Variants in PCNT observed in about 807,000 individuals in gnomAD.
PCNT encodes the protein pericentrin.
Under a neutral mutation model 380.4 loss-of-function variants are expected in PCNT, and 319 were observed. The ratio of observed to expected loss-of-function variants is 0.84; its 90% CI spans 0.77 to 0.92. The LOEUF is 0.92. Among genes scored for constraint, PCNT ranks in the 40% least tolerant of loss-of-function variants. The probability of loss-of-function intolerance (pLI) is 0.00; values close to 1 mark genes in which losing one functional copy is unlikely to be tolerated. For missense variants in PCNT, 4,400 were observed against 4,255.3 expected, an observed-to-expected ratio of 1.03 and a Z score of -0.95; for synonymous variants, 1,845 against 1,735.2, an observed-to-expected ratio of 1.06 and a Z score of -1.57.
rs200998009 is a variant in PCNT at position 46,363,666 on chromosome 21, G to C, written c.2341G>C (p.Glu781Gln). ...LLELREKAES[E>Q]KQTIINKFEL... ...TGAACTGAGAGAAAAGGCTGAATCC[G>C]AGAAACAGACCATCATAAACAAGTT... Residue 781 changes from glutamate (E) to glutamine (Q), a missense_variant, in exon 14 of 47, where the codon GAG (glutamate) becomes CAG (glutamine). By Grantham distance (29) the Glu-to-Gln change is conservative. Transcript: ENST00000359568. 6.2e-7 allele frequency: 1 copy of C among 1,614,216 alleles called. No individual in the cohort carries two copies. Among genetic ancestry groups the C allele is most frequent in the South Asian group, 1.1e-5 (1 of 91,088 alleles).
intron 29 of PCNT, among the ~76,000 whole-genome samples, chr21:46,415,246 C>T (rs1040533882): frequency 3.3e-5 from 5 of 152,204 alleles, no homozygotes; most frequent in African/African-American, 1.2e-4. Flanking sequence ...TGAGGAGACC[C>T]ATGAACCTGG....
chr21:46,416,887 G>T, intron 30 of PCNT, 48 bp downstream of exon 30: 1 of 1,579,360 alleles, frequency 6.3e-7, no homozygotes, highest in Non-Finnish European at 8.6e-7. Flanking sequence ...TGGGAATGTG[G>T]TCTGCCCGGC....
chr21:46,389,181 C>CA lies in PCNT; in HGVS notation c.3608-17dup. 6.2e-7 allele frequency: 1 copy of CA among 1,608,768 alleles called. No individual in the cohort carries two copies. Among genetic ancestry groups the CA allele is most frequent in the African/African-American group, 1.3e-5 (1 of 74,948 alleles). On this transcript the variant is annotated splice_polypyrimidine_tract_variant and intron_variant, in intron 18 of 46. Coordinates refer to ENST00000359568, the MANE Select transcript of PCNT (RefSeq NM_006031.6). ...TTGCTCACTGAGCCGCGTGTGCCGG[C>CA]ATCTGCTCATCTTGTAGCTCCGGCG...
chr21:46,354,538 C>T (rs529984459), intron 11 of PCNT, among the ~76,000 whole-genome samples: 1 of 152,354 alleles, frequency 6.6e-6, no homozygotes, highest in Admixed American at 6.5e-5. Flanking sequence ...TGGGTCTGTG[C>T]TGCCAGTGTG....
intron 28 of PCNT, among the ~76,000 whole-genome samples, chr21:46,412,440 G>A (rs1214534122): frequency 6.6e-6 from 1 of 152,230 alleles, no homozygotes; most frequent in Non-Finnish European, 1.5e-5. Flanking sequence ...AGCAGTGCCT[G>A]TGTGAGATGT....
At chr21:46,397,210 C>A in intron 21 of PCNT, 55 bp from the exon 22 acceptor site, 1 of 1,373,356 alleles carries the variant, frequency 7.3e-7, no homozygotes, top group Non-Finnish European at 1.0e-6. Context: ...ACGTGTCATG[C>A]ACCAGCCTCT....
In PCNT at chr21:46,411,416, G is replaced by T; in HGVS notation, c.5343G>T (p.Gly1781=). The T allele has an allele frequency of 6.2e-7, 1 of 1,613,008 alleles. No homozygotes were observed. Among genetic ancestry groups the T allele is most frequent in the East Asian group, 2.2e-5 (1 of 44,870 alleles). ...LQSELLCSQA[G]GPRGQALQGE... ...GCGAGCTGCTCTGCTCCCAGGCCGG[G>T]GGCCCTCGTGGGCAGGCCCTACAGG... The change falls in exon 28 of 47, where the codon GGG becomes GGT. Residue 1781 remains glycine (G), a synonymous_variant. Transcript: ENST00000359568.
chr21:46,351,065 C>T (rs956075203), intron 8 of PCNT, among the ~76,000 whole-genome samples: 3 of 152,148 alleles, frequency 2.0e-5, no homozygotes, highest in Non-Finnish European at 4.4e-5. Flanking sequence ...GTAAGACTCC[C>T]TAAATTCCAT....
At chr21:46,338,492 TTG>T (rs2083821410) in intron 3 of PCNT, among the ~76,000 whole-genome samples, 1 of 152,234 alleles carries the variant, frequency 6.6e-6, no homozygotes, top group African/African-American at 2.4e-5. Context: ...TCATTCCTTT[TTG>T]ATGCTGGTTA....
At chr21:46,327,054 TTTTTA>T (rs2083418218) in intron 2 of PCNT, among the ~76,000 whole-genome samples, 1 of 151,516 alleles carries the variant, frequency 6.6e-6, no homozygotes, top group Non-Finnish European at 1.5e-5. Flanking sequence ...GGTTTTATTC[TTTTTA>T]TTTTATTTTT....
chr21:46,412,381 C>T (rs549612046), intron 28 of PCNT, among the ~76,000 whole-genome samples: 13 of 152,294 alleles, frequency 8.5e-5, no homozygotes, highest in African/African-American at 2.6e-4. Flanking sequence ...GAGGAGGGTC[C>T]GCTTAAGCTG....
At chr21:46,412,115 T>C (rs73379348) in intron 28 of PCNT, 48 bp downstream of exon 28, 2 of 1,581,804 alleles carry the variant, frequency 1.3e-6, no homozygotes, top group Admixed American at 3.4e-5. Context: ...TTTACTCTCC[T>C]TTTCTCCTTT....
At position 46,412,059 on chromosome 21, in the gene PCNT, G is replaced by A. The variant is rs763693952; in HGVS notation, c.5986G>A (p.Asp1996Asn). ...TGCTGCTTTGGAGCCGGTTGTCCCT[G>A]ACCCACAGGTGGGCTCCCCCCGCGG... is the stretch of plus-strand genomic sequence containing the variant. ...HDAALEPVVP[D>N]PQGDLQPVLV... is the part of the protein sequence containing the mutation. The change falls in exon 28 of 47, where the codon GAC (aspartate) becomes AAC (asparagine). Residue 1996 changes from aspartate (D) to asparagine (N), a missense_variant. Coordinates refer to ENST00000359568, the MANE Select transcript of PCNT (RefSeq NM_006031.6). 3 of 1,606,822 alleles carry A rather than the reference G, an allele frequency of 1.9e-6. No homozygotes were observed. The Admixed American group carries it at 5.0e-5, about 27-fold the overall frequency.
chr21:46,345,589 G>C lies in PCNT; in HGVS notation c.640-539G>C, dbSNP rs146259632. ...TTTTTCCTTCTTCTTTTTTTAATGA[G>C]ATACAATTAACAAGCATACGATTCA... On this transcript the variant is annotated intron_variant, in intron 3 of 46. Transcript: ENST00000359568. Among the ~76,000 whole-genome samples, 19 of 152,154 alleles carry C rather than the reference G, an allele frequency of 1.2e-4. 1 individual carries two copies. The East Asian group carries it at 3.7e-3, about 29-fold the overall frequency.
chr21:46,401,460 A>C (rs1478630481), intron 25 of PCNT, 91 bp from the exon 26 acceptor site: 2 of 1,035,710 alleles, frequency 1.9e-6, no homozygotes, highest in Non-Finnish European at 3.0e-6. Flanking sequence ...CTTCAGGTGC[A>C]GCTAAAGATG....
At chr21:46,361,388 C>T (rs2084711130) in intron 13 of PCNT, among the ~76,000 whole-genome samples, 1 of 152,158 alleles carries the variant, frequency 6.6e-6, no homozygotes, top group Non-Finnish European at 1.5e-5. Context: ...GAGACTCCGT[C>T]TCAAAGAAAA....
intron 30 of PCNT, 148 bp from the exon 31 acceptor site, chr21:46,418,056 C>T (rs957623971): frequency 4.8e-5 from 31 of 645,506 alleles, no homozygotes; most frequent in African/African-American, 2.9e-4. Flanking sequence ...TGGAAGCATT[C>T]GACCTGTGTG....
intron 30 of PCNT, among the ~76,000 whole-genome samples, chr21:46,417,119 G>C (rs866136389): frequency 6.6e-6 from 1 of 151,528 alleles, no homozygotes; most frequent in African/African-American, 2.4e-5. Context: ...ACACGTCTTC[G>C]TGTGTGATGG....
chr21:46,371,590 G>A (rs1344921030), intron 15 of PCNT, among the ~76,000 whole-genome samples: 2 of 152,200 alleles, frequency 1.3e-5, no homozygotes, highest in African/African-American at 2.4e-5. Flanking sequence ...CTGAGTAGTC[G>A]GAATCCCCCT....
Sources: gnomAD v4.1 joint callset for allele counts (sites outside exome capture counted in the v4.1 genomes callset) on GRCh38, gnomAD v4.1.1 for gene constraint, MANE v1.5 for transcripts, NCBI Gene and HGNC (gene_info 2026-07-23, HGNC 2026-07-21) for gene names.